Variants in COG1 observed in about 807,000 individuals in gnomAD.
COG1 encodes the protein component of oligomeric golgi complex 1.
A neutral mutation model predicts 102.2 loss-of-function variants in COG1; 61 were observed. The ratio of observed to expected loss-of-function variants is 0.60; its 90% confidence interval spans 0.49 to 0.74. The LOEUF is 0.74. COG1 is among the 30% of genes least tolerant of loss of function. The pLI is 0.00. For synonymous variants in COG1, 454 were observed against 493.6 expected, an observed-to-expected ratio of 0.92 and a Z score of 1.06; for missense variants, 1,164 against 1,232.1, an observed-to-expected ratio of 0.94 and a Z score of 0.83.
In COG1 at chr17:73,206,734, A is replaced by G; in HGVS notation, c.2646A>G (p.Thr882=). Residue 882 remains threonine, a synonymous_variant, in exon 12 of 14, where the codon ACA becomes ACG. Transcript: ENST00000299886. ...TTCTGTTTGGATTGGTGACTGGTAC[A>G]GAGAATCAGCTCGCCCCCCGGAGCA... ...TSVLFGLVTG[T]ENQLAPRSST... 1 of 1,612,072 alleles carries G rather than the reference A, an allele frequency of 6.2e-7. No homozygotes were observed. Among genetic ancestry groups the G allele is most frequent in the Non-Finnish European group, 8.5e-7 (1 of 1,179,618 alleles).
chr17:73,196,690 A>G lies in COG1; in HGVS notation c.499A>G (p.Ser167Gly). ...GCTGGATTCTTCTAGTTCCCGATAC[A>G]GTCCCGTCCTCTCCCGGTTTCCTAT... The part of the protein sequence containing the change: ...LQLDSSSSRY[S>G]PVLSRFPILI... The change falls in exon 2 of 14, where the codon AGT (serine) becomes GGT (glycine). Residue 167 changes from serine (S) to glycine (G), a missense_variant. By Grantham distance (56) the Ser-to-Gly change is moderately conservative (BLOSUM62 0). Coordinates refer to ENST00000299886, the MANE Select transcript of COG1 (RefSeq NM_018714.3). 1.2e-6 allele frequency: 2 copies of G among 1,614,176 alleles called. No homozygotes were observed. Among genetic ancestry groups the G allele is most frequent in the Non-Finnish European group, 1.7e-6 (2 of 1,180,030 alleles).
intron 4 of COG1, among the ~76,000 whole-genome samples, chr17:73,198,706 C>T (rs1400432464): frequency 6.6e-6 from 1 of 152,200 alleles, no homozygotes; most frequent in Non-Finnish European, 1.5e-5. Context: ...GTTGGAGACA[C>T]ACTGTTGTAC....
rs749775763 is a variant in COG1, at chr17:73,201,087, C to A, written c.1282-22C>A. On this transcript the variant is annotated intron_variant, in intron 6 of 13. Coordinates refer to ENST00000299886, the MANE Select transcript of COG1 (RefSeq NM_018714.3). ...GTCCTTAAAGGAACTGTGATTAGAA[C>A]TCTTCTCTCATTCTCTTTTAGACTC... The A allele has an allele frequency of 3.7e-6, 6 of 1,605,134 alleles. No homozygotes were observed. In the Admixed American group the frequency reaches 1.0e-4, roughly 27 times the overall value.
At chr17:73,196,355 C>T in intron 1 of COG1, 152 bp from the exon 2 acceptor site, 6 of 1,132,508 alleles carry the variant, frequency 5.3e-6, no homozygotes, top group Non-Finnish European at 6.6e-6. Flanking sequence ...AACTCTTCTA[C>T]ACTGGGCTTT....
In COG1 at chr17:73,208,492, C is replaced by T. The variant is rs369768700; in HGVS notation, c.*41C>T. The T allele has an allele frequency of 4.2e-5, 68 of 1,601,186 alleles. No homozygotes were observed. The highest frequency in any genetic ancestry group is 5.7e-5 in the Non-Finnish European group (67 of 1,169,796). On this transcript the variant is annotated 3_prime_UTR_variant, in exon 14 of 14. Transcript: ENST00000299886. ...GTCTCTCCCTAAATAAATACTACCA[C>T]ATTATTTCTTCTAAAGGTGCCTCTG...
chr17:73,202,903 A>G (rs2061352879), intron 7 of COG1, 97 bp from the exon 8 acceptor site: 1 of 1,324,344 alleles, frequency 7.6e-7, no homozygotes, highest in Non-Finnish European at 1.1e-6. Context: ...CTACAACTTC[A>G]GCAGCTTGAG....
chr17:73,194,585 A>G (rs1030715208), intron 1 of COG1, among the ~76,000 whole-genome samples: 1 of 151,350 alleles, frequency 6.6e-6, no homozygotes, highest in Non-Finnish European at 1.5e-5. Flanking sequence ...TGCCTCAGCC[A>G]CCCGCGTAGC....
rs773233123 is a variant in COG1, at chr17:73,201,259, G to A, written c.1432G>A (p.Glu478Lys). The change falls in exon 7 of 14, where the codon GAG becomes AAG. Residue 478 changes from glutamate (E) to lysine (K), a missense_variant. Transcript: ENST00000299886. ...EYNMSLFLWS[E>K]SPNDLPSDAA... ...CAACATGTCGCTCTTCCTCTGGTCT[G>A]AGAGTCCTAATGACCTGCCTTCCGA... The A allele has an allele frequency of 1.2e-6, 2 of 1,614,108 alleles. No individual in the cohort carries two copies. Among genetic ancestry groups the A allele is most frequent in the African/African-American group, 2.7e-5 (2 of 74,934 alleles).
Position 73,207,410 on chromosome 17 carries a change from G to GT in COG1, c.2805+158dup, listed in dbSNP as rs775945023. On this transcript the variant is annotated intron_variant, in intron 13 of 13. Coordinates refer to ENST00000299886, the MANE Select transcript of COG1 (RefSeq NM_018714.3). The stretch of plus-strand genomic sequence containing the variant: ...TGGCGGCGCAATAGAGAAGTACAAG[G>GT]TTTTACTAGCTTGAGCTACTAGAAG... The GT allele has an allele frequency of 2.9e-4, 226 of 789,188 alleles. 1 individual carries two copies. Among genetic ancestry groups the GT allele is most frequent in the Non-Finnish European group, 4.6e-4 (214 of 464,444 alleles). The allele number at this position is 789,188 out of a possible 1,614,324, so 48.9% of individuals were successfully genotyped here.
In COG1 at chr17:73,200,010, A is replaced by G; in HGVS notation, c.1059A>G (p.Lys353=). The G allele has an allele frequency of 6.2e-7, 1 of 1,612,060 alleles. No individual in the cohort carries two copies. Residue 353 remains lysine (K), a synonymous_variant, in exon 5 of 14, where the codon AAA becomes AAG. Coordinates refer to ENST00000299886, the MANE Select transcript of COG1 (RefSeq NM_018714.3). ...SQEYLKDTLQ[K]WIHMCNEDIK... ...AATACCTGAAAGACACGCTGCAGAAATGGATCCACATGTAAGTAACCAGAA... is the reference window on the plus strand; with the variant it reads ...AATACCTGAAAGACACGCTGCAGAAGTGGATCCACATGTAAGTAACCAGAA...
At chr17:73,193,899 C>T (rs1389076628) in intron 1 of COG1, among the ~76,000 whole-genome samples, 1 of 152,118 alleles carries the variant, frequency 6.6e-6, no homozygotes, top group Non-Finnish European at 1.5e-5. Context: ...AGCTATCAAG[C>T]CCTTAACTTT....
In COG1 at chr17:73,201,804, A is replaced by ATCT. The variant is rs2061348190; in HGVS notation, c.1977_1978insTCT (p.Glu659_Ile660insSer). ...AACAGGGAAAGGTGAAAACTCAGGA[A>ATCT]ATCATTCCTACACAGGCCAAGTGGC... On this transcript the variant is annotated inframe_insertion, in exon 7 of 14. Transcript: ENST00000299886. 1.2e-5 allele frequency: 19 copies of ATCT among 1,614,050 alleles called. No individual in the cohort carries two copies. Among genetic ancestry groups the ATCT allele is most frequent in the Non-Finnish European group, 1.6e-5 (19 of 1,180,038 alleles).
Position 73,193,289 on chromosome 17 carries a change from G to A in COG1, c.220G>A (p.Val74Met). The A allele has an allele frequency of 1.3e-6, 2 of 1,597,826 alleles. No individual in the cohort carries two copies. The highest frequency in any genetic ancestry group is 2.3e-5 in the South Asian group (2 of 88,768). ...DTIGQMRRCA[V>M]GLVDAVKATD... ...CATCGGCCAGATGCGCCGCTGCGCC[G>A]TGGGGCTAGTGGACGCCGTGAAGGC... The change falls in exon 1 of 14, where the codon GTG becomes ATG. Residue 74 changes from valine to methionine, a missense_variant. Val to Met is a conservative substitution (Grantham distance 21). Coordinates refer to ENST00000299886, the MANE Select transcript of COG1 (RefSeq NM_018714.3).
Position 73,201,442 on chromosome 17 carries a change from G to T in COG1, c.1615G>T (p.Asp539Tyr). 6.2e-7 allele frequency: 1 copy of T among 1,614,222 alleles called. No individual in the cohort carries two copies. Among genetic ancestry groups the T allele is most frequent in the East Asian group, 2.2e-5 (1 of 44,886 alleles). ...LDDLLAYLPS[D>Y]DSSLPKDVSP... ...TGACCTCCTGGCTTACCTCCCCTCT[G>T]ATGACTCATCACTGCCCAAGGACGT... Residue 539 changes from aspartate (D) to tyrosine (Y), a missense_variant, in exon 7 of 14, where the codon GAT (aspartate) becomes TAT (tyrosine). By Grantham distance (160) the Asp-to-Tyr change is radical. Transcript: ENST00000299886.
rs370730769 is a variant in COG1, at chr17:73,205,611, G to A, written c.2441G>A (p.Arg814His). The A allele has an allele frequency of 9.9e-6, 16 of 1,613,982 alleles. No homozygotes were observed. Among genetic ancestry groups the A allele is most frequent in the Middle Eastern group, 1.6e-4 (1 of 6,066 alleles). ...NRALQLLYDLRYLNIVLTAKG... is the reference protein window; with the variant it reads ...NRALQLLYDLHYLNIVLTAKG... ...GCGCTGCAGCTGCTTTATGATCTGC[G>A]TTACCTCAACATTGTTCTGACAGCC... The change falls in exon 10 of 14, where the codon CGT (arginine) becomes CAT (histidine). Residue 814 changes from arginine (R) to histidine (H), a missense_variant. By Grantham distance (29) the Arg-to-His change is conservative (BLOSUM62 0). Transcript: ENST00000299886.
At chr17:73,198,264 A>G (rs150148619) in intron 4 of COG1, among the ~76,000 whole-genome samples, 52 of 152,250 alleles carry the variant, frequency 3.4e-4, no homozygotes, top group Admixed American at 4.6e-4. Context: ...GGAGGTGACC[A>G]AGTTAAGTAG....
chr17:73,193,309 G>A lies in COG1; in HGVS notation c.240G>A (p.Val80=). 1.9e-6 allele frequency: 3 copies of A among 1,580,456 alleles called. No individual in the cohort carries two copies. Among genetic ancestry groups the A allele is most frequent in the Non-Finnish European group, 2.6e-6 (3 of 1,166,424 alleles). The change falls in exon 1 of 14, where the codon GTG becomes GTA. Residue 80 remains valine (V), a synonymous_variant. Coordinates refer to ENST00000299886, the MANE Select transcript of COG1 (RefSeq NM_018714.3). ...RRCAVGLVDA[V]KATDQYCARL... ...GCGCCGTGGGGCTAGTGGACGCCGT[G>A]AAGGCCACCGACCAGTACTGCGCCC...
Position 73,206,235 on chromosome 17 carries a change from C to A in COG1, c.2592C>A (p.Asn864Lys), listed in dbSNP as rs978162758. 2 of 1,614,102 alleles carry A rather than the reference C, an allele frequency of 1.2e-6. No homozygotes were observed. Among genetic ancestry groups the A allele is most frequent in the Non-Finnish European group, 1.7e-6 (2 of 1,179,946 alleles). The change falls in exon 11 of 14, where the codon AAC becomes AAA. Residue 864 changes from asparagine to lysine, a missense_variant. Physicochemically the swap from Asn to Lys is moderately conservative, Grantham distance 94 (BLOSUM62 0). Transcript: ENST00000299886. ...LDVFTPHLNS[N>K]LHRLVQRTSV... The stretch of plus-strand genomic sequence containing the variant: ...TTTTCACGCCACACCTCAACAGCAA[C>A]CTTCATCGCCTGGTGCAGCGAACTT...
chr17:73,200,078 TACGG>T lies in COG1; in HGVS notation c.1070+58_1070+61del. 1.9e-6 allele frequency: 3 copies of T among 1,558,082 alleles called. No homozygotes were observed. In the Admixed American group the frequency reaches 5.6e-5, roughly 29 times the overall value. ...GGCAGGAGCCACCCATGCAGCCTTGTACGGGGCATTACAAGGGTCAGCGAGGCAT... is the reference window on the plus strand; with the variant it reads ...GGCAGGAGCCACCCATGCAGCCTTGTGGCATTACAAGGGTCAGCGAGGCAT... On this transcript the variant is annotated intron_variant, in intron 5 of 13. Coordinates refer to ENST00000299886, the MANE Select transcript of COG1 (RefSeq NM_018714.3).
Sources: gnomAD v4.1 joint callset for allele counts (sites outside exome capture counted in the v4.1 genomes callset) on GRCh38, gnomAD v4.1.1 for gene constraint, MANE v1.5 for transcripts, NCBI Gene and HGNC (gene_info 2026-07-23, HGNC 2026-07-21) for gene names.